The following STAM2 variants were observed in gnomAD, a reference collection of about 807,000 sequenced individuals.
STAM2 encodes signal transducing adaptor molecule 2, also known as signal transducing adapter molecule 2.
STAM2 carries 51 observed loss-of-function variants against 65.6 expected under a neutral mutation model. The observed-to-expected ratio is 0.78, with a 90% confidence interval of 0.62 to 0.98. STAM2 has a LOEUF of 0.98. Among genes scored for constraint, STAM2 ranks in the 50% least tolerant of loss-of-function variants. The probability of loss-of-function intolerance (pLI) is 0.00; values close to 1 mark genes in which losing one functional copy is unlikely to be tolerated. For missense variants in STAM2, 584 were observed against 617.8 expected, an observed-to-expected ratio of 0.95 and a Z score of 0.58; for synonymous variants, 198 against 208.4, an observed-to-expected ratio of 0.95 and a Z score of 0.43.
chr2:152,133,063 C>A, intron 10 of STAM2, 110 bp downstream of exon 10: 1 of 398,230 alleles, frequency 2.5e-6, no homozygotes, highest in South Asian at 8.8e-5. Flanking sequence ...TGTTCCCCAC[C>A]GGAGATTTCT....
chr2:152,122,104 G>GTA (rs1553843960), intron 13 of STAM2, among the ~76,000 whole-genome samples: 1 of 147,978 alleles, frequency 6.8e-6, no homozygotes, highest in East Asian at 2.0e-4. Context: ...GTGTGTGTGT[G>GTA]TATACACATA....
intron 12 of STAM2, among the ~76,000 whole-genome samples, chr2:152,125,208 T>C (rs1433206934): frequency 1.3e-5 from 2 of 152,210 alleles, no homozygotes; most frequent in Admixed American, 1.3e-4. Flanking sequence ...AGAAGCAAAC[T>C]GAATAAATCC....
intron 1 of STAM2, among the ~76,000 whole-genome samples, chr2:152,158,589 T>C (rs988849772): frequency 1.3e-5 from 2 of 152,362 alleles, no homozygotes; most frequent in Non-Finnish European, 2.9e-5. Flanking sequence ...ATGATTAAGA[T>C]ATTACATATT....
Position 152,120,247 on chromosome 2 carries a change from T to G in STAM2, c.*327A>C. ...ACTCCAGCCTGGGTGACAGAGCGAGTTTGTCATAAGTATCTCATACTGTTT... is the reference window on the plus strand; with the variant it reads ...ACTCCAGCCTGGGTGACAGAGCGAGGTTGTCATAAGTATCTCATACTGTTT... On this transcript the variant is annotated 3_prime_UTR_variant, in exon 14 of 14. Coordinates refer to ENST00000263904, the MANE Select transcript of STAM2 (RefSeq NM_005843.6). The G allele has an allele frequency of 4.3e-6, 1 of 234,244 alleles. No individual in the cohort carries two copies. 14.5% of individuals were successfully genotyped at this position (234,244 alleles called of 1,614,324 possible). A position where few individuals can be genotyped will look rare whatever the true frequency, so the allele number is the denominator to read the frequency against.
chr2:152,124,993 A>G (rs1688925401), intron 12 of STAM2, among the ~76,000 whole-genome samples: 2 of 152,246 alleles, frequency 1.3e-5, no homozygotes, highest in Middle Eastern at 3.2e-3. Flanking sequence ...TGAGGAATCA[A>G]ACAGAAAGTT....
Position 152,137,261 on chromosome 2 carries a change from C to A in STAM2, c.705-1658G>T, listed in dbSNP as rs118090671. ...TGTGAAAATTCACCTTTCTCCTCCCCCCGGTTGCATGTAACAATGTCATCT... is the reference window on the plus strand; with the variant it reads ...TGTGAAAATTCACCTTTCTCCTCCCACCGGTTGCATGTAACAATGTCATCT... On this transcript the variant is annotated intron_variant, in intron 7 of 13. Transcript: ENST00000263904. 4.3e-4 allele frequency among the ~76,000 whole-genome samples: 65 copies of A among 152,224 alleles called. No individual in the cohort carries two copies. The East Asian group carries it at 8.9e-3, about 21-fold the overall frequency.
intron 7 of STAM2, among the ~76,000 whole-genome samples, chr2:152,143,245 T>C (rs1689281482): frequency 6.6e-6 from 1 of 152,218 alleles, no homozygotes; most frequent in Non-Finnish European, 1.5e-5. Context: ...TTATTTATAA[T>C]GGATACCAAA....
In STAM2 at chr2:152,132,371, A is replaced by C. The variant is rs202093348; in HGVS notation, c.971-203T>G. 1.5e-4 allele frequency among the ~76,000 whole-genome samples: 23 copies of C among 152,306 alleles called. No homozygotes were observed. In the East Asian group the frequency reaches 4.4e-3, roughly 29 times the overall value. On this transcript the variant is annotated intron_variant, in intron 10 of 13. Transcript: ENST00000263904. ...AAAGCAAGGTCAACTTTAAAATAAAAACCTCATTATGTTTTCTTGAAACTA... is the reference window on the plus strand; with the variant it reads ...AAAGCAAGGTCAACTTTAAAATAAACACCTCATTATGTTTTCTTGAAACTA...
intron 7 of STAM2, among the ~76,000 whole-genome samples, chr2:152,140,124 A>T (rs1449524108): frequency 6.6e-6 from 1 of 152,200 alleles, no homozygotes; most frequent in Non-Finnish European, 1.5e-5. Flanking sequence ...ATGTTCAGAG[A>T]GCTATAGCTC....
At chr2:152,148,369 T>A in intron 2 of STAM2, 69 bp from the exon 3 acceptor site, 1 of 1,245,938 alleles carries the variant, frequency 8.0e-7, no homozygotes, top group Non-Finnish European at 1.1e-6. Context: ...CATTAAGGTA[T>A]TATTCTATTA....
chr2:152,147,393 A>T, intron 4 of STAM2, 85 bp from the exon 5 acceptor site: 1 of 1,275,420 alleles, frequency 7.8e-7, no homozygotes, highest in Non-Finnish European at 1.0e-6. Context: ...AATTACCATC[A>T]AAATTCTCTT....
chr2:152,139,528 C>A (rs915516684), intron 7 of STAM2, among the ~76,000 whole-genome samples: 1 of 152,186 alleles, frequency 6.6e-6, no homozygotes, highest in African/African-American at 2.4e-5. Flanking sequence ...TGAATAACCA[C>A]TGCACTCCAG....
intron 1 of STAM2, among the ~76,000 whole-genome samples, chr2:152,160,526 C>T (rs938567210): frequency 7.3e-5 from 11 of 151,294 alleles, no homozygotes; most frequent in African/African-American, 1.7e-4. Flanking sequence ...GGAGCCCCTC[C>T]GCCCGGCAGC....
At position 152,116,986 on chromosome 2, in the gene STAM2, C is replaced by T. The variant is rs79298907; in HGVS notation, c.*3588G>A. ...TCCACTGGGGATCTTGCAAATGTAT[C>T]CACCACAGATAAGGGCGGGGGTGAG... is the stretch of plus-strand genomic sequence containing the variant. On this transcript the variant is annotated 3_prime_UTR_variant, in exon 14 of 14. Coordinates refer to ENST00000263904, the MANE Select transcript of STAM2 (RefSeq NM_005843.6). The T allele has an allele frequency of 5.1e-3, 774 of 152,330 alleles. 2 individuals are homozygous for T. Among genetic ancestry groups the T allele is most frequent in the Middle Eastern group, 0.01 (3 of 296 alleles). The allele number at this position is 152,330 out of a possible 1,614,324, so 9.4% of individuals were successfully genotyped here.
In STAM2 at chr2:152,117,941, TATAA is replaced by T. The variant is rs1688778542; in HGVS notation, c.*2629_*2632del. Reference sequence around the variant, plus strand: ...TAATTACCTAATGTTTAAGTAATTTTATAAATAAATTACCAAATTAGAAGACAGT... The same window carrying T: ...TAATTACCTAATGTTTAAGTAATTTTATAAATTACCAAATTAGAAGACAGT... On this transcript the variant is annotated 3_prime_UTR_variant, in exon 14 of 14. Coordinates refer to ENST00000263904, the MANE Select transcript of STAM2 (RefSeq NM_005843.6). The T allele has an allele frequency of 6.6e-6, 1 of 152,166 alleles. No homozygotes were observed. Among genetic ancestry groups the T allele is most frequent in the African/African-American group, 2.4e-5 (1 of 41,472 alleles). The allele number at this position is 152,166 out of a possible 1,614,324, so 9.4% of individuals were successfully genotyped here. A position where few individuals can be genotyped will look rare whatever the true frequency, so the allele number is the denominator to read the frequency against.
chr2:152,127,299 T>G (rs1275028271), intron 11 of STAM2, among the ~76,000 whole-genome samples: 1 of 152,196 alleles, frequency 6.6e-6, no homozygotes, highest in Non-Finnish European at 1.5e-5. Context: ...AATATGACTT[T>G]ATAATATTAG....
chr2:152,160,541 G>A (rs1334048556), intron 1 of STAM2, among the ~76,000 whole-genome samples: 6 of 149,394 alleles, frequency 4.0e-5, no homozygotes, highest in Non-Finnish European at 7.4e-5. Flanking sequence ...GGCAGCCACC[G>A]CGTCCGGGAG....
chr2:152,127,485 G>C (rs540905077), intron 11 of STAM2, among the ~76,000 whole-genome samples: 1 of 151,760 alleles, frequency 6.6e-6, no homozygotes, highest in Non-Finnish European at 1.5e-5. Context: ...AAAGTACCCA[G>C]GCAAGGCTCA....
chr2:152,147,889 CAGA>C, intron 4 of STAM2, 132 bp downstream of exon 4: 2 of 704,506 alleles, frequency 2.8e-6, no homozygotes, highest in South Asian at 4.3e-5. Flanking sequence ...AATCAAATTT[CAGA>C]ACAGTTTATT....
Sources: allele counts gnomAD v4.1 joint callset (sites outside exome capture counted in the v4.1 genomes callset), GRCh38; gene constraint gnomAD v4.1.1; transcripts MANE v1.5; gene names NCBI Gene and HGNC (gene_info 2026-07-23, HGNC 2026-07-21).